The following ITFG1 variants were observed in gnomAD, a reference collection of about 807,000 sequenced individuals.
ITFG1 encodes the protein integrin alpha FG-GAP repeat containing 1.
In ITFG1, 34 loss-of-function variants were observed where a neutral mutation model predicts 81.8. That is an observed-to-expected ratio of 0.42 (90% CI 0.32 to 0.55). The LOEUF is 0.55. Ranked by LOEUF, ITFG1 falls within the 20% of genes least tolerant of loss-of-function variation. ITFG1 has a pLI of 0.17. For missense variants in ITFG1, 672 were observed against 755.4 expected (o/e 0.89, Z 1.29); for synonymous variants, 285 against 270.6 (o/e 1.05, Z -0.52).
intron 14 of ITFG1, among the ~76,000 whole-genome samples, chr16:47,165,636 G>C (rs1336695100): frequency 6.6e-6 from 1 of 152,198 alleles, no homozygotes; most frequent in African/African-American, 2.4e-5. Flanking sequence ...CTTGAGCTCA[G>C]GACTTTTCAG....
intron 8 of ITFG1, among the ~76,000 whole-genome samples, chr16:47,331,210 C>G (rs1165284579): frequency 1.3e-5 from 2 of 152,102 alleles, no homozygotes; most frequent in South Asian, 2.1e-4. Context: ...TGAATTAACA[C>G]AGAAACAGAA....
At chr16:47,203,315 AG>A (rs1965450391) in intron 14 of ITFG1, among the ~76,000 whole-genome samples, 1 of 152,236 alleles carries the variant, frequency 6.6e-6, no homozygotes, top group Admixed American at 6.5e-5. Context: ...TTTTGGCACC[AG>A]GAACTGGTTT....
chr16:47,221,484 G>T (rs1021851100), intron 13 of ITFG1, among the ~76,000 whole-genome samples: 1 of 152,134 alleles, frequency 6.6e-6, no homozygotes, highest in Non-Finnish European at 1.5e-5. Flanking sequence ...GATTCGGTTT[G>T]CCAGTATTTT....
At chr16:47,442,838 TG>T (rs576097978) in intron 5 of ITFG1, among the ~76,000 whole-genome samples, 10 of 152,304 alleles carry the variant, frequency 6.6e-5, no homozygotes, top group African/African-American at 2.2e-4. Flanking sequence ...GATATAGGCA[TG>T]GGCAAGGACT....
chr16:47,320,210 T>C (rs1294486571), intron 8 of ITFG1, among the ~76,000 whole-genome samples: 2 of 152,254 alleles, frequency 1.3e-5, no homozygotes, highest in Non-Finnish European at 2.9e-5. Flanking sequence ...CACTGTGGTT[T>C]TAATTTTTGT....
chr16:47,386,473 AG>A (rs888365418), intron 6 of ITFG1, among the ~76,000 whole-genome samples: 3 of 152,144 alleles, frequency 2.0e-5, no homozygotes, highest in Non-Finnish European at 4.4e-5. Context: ...TATGCTGTAG[AG>A]GCTAAATTCC....
intron 12 of ITFG1, among the ~76,000 whole-genome samples, chr16:47,246,644 G>A (rs1029247114): frequency 4.6e-5 from 7 of 152,188 alleles, no homozygotes; most frequent in African/African-American, 1.4e-4. Flanking sequence ...CTCAGACTGC[G>A]TGGGTTCTGG....
rs549212241 is a variant in ITFG1 at position 47,441,860 on chromosome 16, A to C, written c.560+9536T>G. 9.1e-3 allele frequency among the ~76,000 whole-genome samples: 1,384 copies of C among 151,822 alleles called. 25 individuals are homozygous for C. The highest frequency in any genetic ancestry group is 0.03 in the South Asian group (146 of 4,802). ...TCAGGCAGGAGAAGGAAATAAAGGG[A>C]ATTCAATTAGGAAAAGAGGAAGTCA... On this transcript the variant is annotated intron_variant, in intron 5 of 17. Transcript: ENST00000320640.
chr16:47,331,757 G>A (rs1419197283), intron 8 of ITFG1, among the ~76,000 whole-genome samples: 1 of 152,076 alleles, frequency 6.6e-6, no homozygotes, highest in Non-Finnish European at 1.5e-5. Context: ...GAACAGTCTC[G>A]TCATGCTAAT....
chr16:47,326,984 C>T (rs1410808206), intron 8 of ITFG1, among the ~76,000 whole-genome samples: 1 of 152,096 alleles, frequency 6.6e-6, no homozygotes, highest in Non-Finnish European at 1.5e-5. Context: ...CTTTAAAGTG[C>T]ATATGGAACC....
intron 5 of ITFG1, among the ~76,000 whole-genome samples, chr16:47,445,247 G>GAA (rs907756228): frequency 2.2e-3 from 66 of 30,684 alleles, no homozygotes; most frequent in East Asian, 3.0e-3. Context: ...CTCCGTCTCA[G>GAA]AAAAAAAAAA....
At chr16:47,403,137 T>C (rs796708267) in intron 6 of ITFG1, among the ~76,000 whole-genome samples, 7 of 152,252 alleles carry the variant, frequency 4.6e-5, no homozygotes, top group African/African-American at 1.7e-4. Flanking sequence ...GCAGTATTTA[T>C]AGAATTTGCC....
intron 8 of ITFG1, among the ~76,000 whole-genome samples, chr16:47,341,601 G>A (rs959397191): frequency 4.0e-5 from 6 of 151,574 alleles, no homozygotes; most frequent in Non-Finnish European, 5.9e-5. Flanking sequence ...CAAAGATGAG[G>A]AAAGAAAACA....
At chr16:47,353,246 T>C (rs1023773458) in intron 8 of ITFG1, among the ~76,000 whole-genome samples, 1 of 151,974 alleles carries the variant, frequency 6.6e-6, no homozygotes, top group Non-Finnish European at 1.5e-5. Flanking sequence ...CACGATCAAG[T>C]GGGATTCATC....
chr16:47,192,525 G>C (rs938809476), intron 14 of ITFG1, among the ~76,000 whole-genome samples: 2 of 152,162 alleles, frequency 1.3e-5, no homozygotes, highest in African/African-American at 4.8e-5. Flanking sequence ...TGATTAATGT[G>C]ATGGCAAGGC....
At chr16:47,274,134 G>A (rs1049519891) in intron 10 of ITFG1, among the ~76,000 whole-genome samples, 4 of 152,002 alleles carry the variant, frequency 2.6e-5, no homozygotes, top group Non-Finnish European at 5.9e-5. Flanking sequence ...GTGGGTGCCT[G>A]TAATCCCAAC....
intron 12 of ITFG1, among the ~76,000 whole-genome samples, chr16:47,240,365 AAAAT>A (rs557370970): frequency 1.3e-3 from 198 of 152,190 alleles, no homozygotes; most frequent in Middle Eastern, 0.01. Flanking sequence ...TACTTGGAAA[AAAAT>A]AAAGTTAGAG....
chr16:47,451,001 G>C (rs1197421245), intron 5 of ITFG1, among the ~76,000 whole-genome samples: 1 of 152,148 alleles, frequency 6.6e-6, no homozygotes, highest in African/African-American at 2.4e-5. Flanking sequence ...ACTGCTCACT[G>C]AACAAATGAC....
At position 47,379,634 on chromosome 16, in the gene ITFG1, G is replaced by A. The variant is rs527793543; in HGVS notation, c.656-3694C>T. 8.6e-5 allele frequency among the ~76,000 whole-genome samples: 13 copies of A among 151,092 alleles called. No individual in the cohort carries two copies. In the East Asian group the frequency reaches 1.8e-3, roughly 20 times the overall value. On this transcript the variant is annotated intron_variant, in intron 6 of 17. Coordinates refer to ENST00000320640, the MANE Select transcript of ITFG1 (RefSeq NM_030790.5). ...TGGGAGGTGGAGGTTGCAGTGAGCC[G>A]AGATGGCGCCACTGTACTCCAGCTT...
Sources: gnomAD v4.1 joint callset for allele counts (sites outside exome capture counted in the v4.1 genomes callset) on GRCh38, gnomAD v4.1.1 for gene constraint, MANE v1.5 for transcripts, NCBI Gene and HGNC (gene_info 2026-07-23, HGNC 2026-07-21) for gene names.